SPTB: variants seen among roughly 807,000 people sequenced by gnomAD.
The protein encoded by SPTB is spectrin beta, erythrocytic.
A neutral mutation model predicts 256.2 loss-of-function variants in SPTB; 45 were observed. The observed-to-expected ratio is 0.18, with a 90% CI of 0.14 to 0.23. The LOEUF (loss-of-function observed/expected upper bound fraction) is 0.23, where lower values mean the gene tolerates loss of function less well. Ranked by LOEUF, SPTB falls within the 10% of genes least tolerant of loss-of-function variation. The pLI is 1.00. For missense variants in SPTB, 2,715 were observed against 3,040.4 expected (o/e 0.89, Z 2.52); for synonymous variants, 1,231 against 1,243.1 (o/e 0.99, Z 0.21).
Position 64,779,291 on chromosome 14 carries a change from C to T in SPTB, c.4474-45G>A. 1 of 1,526,134 alleles carries T rather than the reference C, an allele frequency of 6.6e-7. No homozygotes were observed. Among genetic ancestry groups the T allele is most frequent in the East Asian group, 2.3e-5 (1 of 43,832 alleles). The allele number at this position is 1,526,134 out of a possible 1,614,324, so 94.5% of individuals were successfully genotyped here. On this transcript the variant is annotated intron_variant, in intron 21 of 35. Transcript: ENST00000644917. The surrounding 1 kb of genome is among the most constrained non-coding windows in gnomAD (Gnocchi z 4.2). Reference sequence around the variant, plus strand: ...GGAGAGAGCTGATGACAATCACGGCCAACCTTTCCTGAGTGCTCACCATGG... The same window carrying T: ...GGAGAGAGCTGATGACAATCACGGCTAACCTTTCCTGAGTGCTCACCATGG...
At chr14:64,756,156 T>C (rs2082014755) in intron 32 of SPTB, 2 of 152,228 alleles carry the variant, frequency 1.3e-5, no homozygotes, top group Admixed American at 1.3e-4. Flanking sequence ...GGCTCATCTT[T>C]CGAGCAGCCT....
At chr14:64,794,989 G>A (rs947659849) in intron 12 of SPTB, among the ~76,000 whole-genome samples, 4 of 152,196 alleles carry the variant, frequency 2.6e-5, no homozygotes, top group African/African-American at 9.7e-5. Flanking sequence ...GGGAGGTCTG[G>A]ATTCTAACCA....
intron 8 of SPTB, among the ~76,000 whole-genome samples, chr14:64,800,519 T>A (rs2082863520): frequency 6.6e-6 from 1 of 152,150 alleles, no homozygotes; most frequent in South Asian, 2.1e-4. Context: ...GGGTCTCAGG[T>A]GGACCAGGTG....
In SPTB at chr14:64,795,436, C is replaced by T. The variant is rs1296320449; in HGVS notation, c.1545G>A (p.Glu515=). 6.2e-7 allele frequency: 1 copy of T among 1,614,122 alleles called. No homozygotes were observed. Among genetic ancestry groups the T allele is most frequent in the African/African-American group, 1.3e-5 (1 of 74,946 alleles). The part of the protein sequence containing the change: ...NILRLWSYLQ[E]LLQSRRQRLE... Reference sequence around the variant, plus strand: ...GCCTCTGGCGCCGGGACTGCAGCAGCTCCTGCAGGTAGCTCCATAGGCGCA... The same window carrying T: ...GCCTCTGGCGCCGGGACTGCAGCAGTTCCTGCAGGTAGCTCCATAGGCGCA... The change falls in exon 12 of 36, where the codon GAG becomes GAA. Residue 515 remains glutamate, a synonymous_variant. Transcript: ENST00000644917. This position sits in a 1 kb window ranked among gnomAD's most constrained non-coding sequence, Gnocchi z 6.5.
intron 14 of SPTB, 114 bp from the exon 15 acceptor site, chr14:64,791,970 T>A: frequency 7.0e-7 from 1 of 1,419,378 alleles, no homozygotes; most frequent in African/African-American, 1.4e-5. Context: ...TTCCACTGCC[T>A]AAACCATTTG....
At chr14:64,782,817 TAA>T (rs58435859) in intron 19 of SPTB, among the ~76,000 whole-genome samples, 72 of 122,924 alleles carry the variant, frequency 5.9e-4, no homozygotes, top group Admixed American at 8.2e-4. Context: ...GTTGATGAGT[TAA>T]AAAAAAAAAA....
intron 19 of SPTB, among the ~76,000 whole-genome samples, chr14:64,782,769 A>T (rs998539784): frequency 6.7e-6 from 1 of 150,250 alleles, no homozygotes; most frequent in Non-Finnish European, 1.5e-5. Flanking sequence ...TGGAAGAAGA[A>T]TTGTCTTGAG....
At chr14:64,814,773 T>A (rs2083158063) in intron 2 of SPTB, among the ~76,000 whole-genome samples, 1 of 152,274 alleles carries the variant, frequency 6.6e-6, no homozygotes, top group Non-Finnish European at 1.5e-5. Context: ...CCCAAAGTGC[T>A]GGGATTACAG....
chr14:64,749,260 C>G lies in SPTB; in HGVS notation c.*46G>C, dbSNP rs761418574. The G allele has an allele frequency of 1.3e-6, 2 of 1,539,574 alleles. No individual in the cohort carries two copies. The highest frequency in any genetic ancestry group is 1.4e-5 in the African/African-American group (1 of 73,102). On this transcript the variant is annotated 3_prime_UTR_variant, in exon 36 of 36. Transcript: ENST00000644917. The surrounding 1 kb of genome is among the most constrained non-coding windows in gnomAD (Gnocchi z 4.7). The stretch of plus-strand genomic sequence containing the variant: ...AGAGGAGGCCAAGGCCTGGGCTGCC[C>G]GGTCTCTGCGCGTCCCGACTCCGCC...
rs1555371793 is a variant in SPTB, at chr14:64,801,847, GA to G, written c.567-14del. ...AACATGAGGGTAGCTGCATCCAAGA[GA>G]AACAGTAAGAGCTAAGAATTAGATT... On this transcript the variant is annotated splice_polypyrimidine_tract_variant and intron_variant, in intron 5 of 35. Coordinates refer to ENST00000644917, the MANE Select transcript of SPTB (RefSeq NM_001355436.2). 2.5e-6 allele frequency: 4 copies of G among 1,611,844 alleles called. No homozygotes were observed. The African/African-American group carries it at 4.0e-5, about 16-fold the overall frequency.
rs1169693519 is a variant in SPTB, at chr14:64,775,527, G to A, written c.4564-124C>T. On this transcript the variant is annotated intron_variant, in intron 22 of 35. Coordinates refer to ENST00000644917, the MANE Select transcript of SPTB (RefSeq NM_001355436.2). The surrounding 1 kb of genome is among the most constrained non-coding windows in gnomAD (Gnocchi z 5.0). ...CACCCCCGTTGCTAGAGCAGAGCAG[G>A]TGATGGCGATAAGAACTACCAATGA... 32 of 1,293,168 alleles carry A rather than the reference G, an allele frequency of 2.5e-5. No individual in the cohort carries two copies. The East Asian group carries it at 7.7e-4, about 31-fold the overall frequency. The allele number at this position is 1,293,168 out of a possible 1,614,324, so 80.1% of individuals were successfully genotyped here.
intron 1 of SPTB, among the ~76,000 whole-genome samples, chr14:64,868,583 G>A (rs927373052): frequency 1.3e-5 from 2 of 152,156 alleles, no homozygotes; most frequent in African/African-American, 4.8e-5. Flanking sequence ...ATCCCAACAA[G>A]TAAAAGCTGG....
chr14:64,816,536 T>C lies in SPTB; in HGVS notation c.148+6411A>G, dbSNP rs1252615220. Among the ~76,000 whole-genome samples, 1 of 152,112 alleles carries C rather than the reference T, an allele frequency of 6.6e-6. No homozygotes were observed. Among genetic ancestry groups the C allele is most frequent in the Non-Finnish European group, 1.5e-5 (1 of 68,028 alleles). On this transcript the variant is annotated intron_variant, in intron 2 of 35. Transcript: ENST00000644917. The surrounding 1 kb of genome is among the most constrained non-coding windows in gnomAD (Gnocchi z 4.2). ...AAACTTTATAGTTCCCAGCAAATCT[T>C]CATAGCAAATTTGTCATAATTTGCT...
intron 15 of SPTB, among the ~76,000 whole-genome samples, chr14:64,788,637 T>A (rs1417482127): frequency 6.6e-6 from 1 of 152,142 alleles, no homozygotes; most frequent in East Asian, 1.9e-4. Context: ...TCTGGCTGTG[T>A]CCCCAGGCAA....
At chr14:64,754,295 A>C in intron 32 of SPTB, 1 of 225,020 alleles carries the variant, frequency 4.4e-6, no homozygotes, top group Non-Finnish European at 9.0e-6. Flanking sequence ...TAAAGCCCTA[A>C]AACTAAGGGT....
At chr14:64,801,486 A>G in intron 6 of SPTB, 86 bp from the exon 7 acceptor site, 1 of 1,020,896 alleles carries the variant, frequency 9.8e-7, no homozygotes, top group Middle Eastern at 2.0e-4. Context: ...GACATTGTAC[A>G]GAGGCAGGGA....
chr14:64,854,626 C>A (rs1209253002), intron 1 of SPTB, among the ~76,000 whole-genome samples: 1 of 152,008 alleles, frequency 6.6e-6, no homozygotes, highest in Non-Finnish European at 1.5e-5. Flanking sequence ...ACTAGATGGT[C>A]CAAATCTGGA....
In SPTB at chr14:64,758,304, G is replaced by C. The variant is rs2082044663; in HGVS notation, c.6346-4511C>G. On this transcript the variant is annotated intron_variant, in intron 32 of 35. Coordinates refer to ENST00000644917, the MANE Select transcript of SPTB (RefSeq NM_001355436.2). The surrounding 1 kb of genome is among the most constrained non-coding windows in gnomAD (Gnocchi z 4.6). ...GGAATCTCAGCCACTGGCAGGCAAG[G>C]CCTCAGCCCCTCCTTTCTCGGCCAG... Among the ~76,000 whole-genome samples, 1 of 152,322 alleles carries C rather than the reference G, an allele frequency of 6.6e-6. No individual in the cohort carries two copies. The highest frequency in any genetic ancestry group is 2.4e-5 in the African/African-American group (1 of 41,558).
intron 4 of SPTB, among the ~76,000 whole-genome samples, chr14:64,803,162 T>C (rs1040503629): frequency 6.6e-6 from 1 of 152,180 alleles, no homozygotes; most frequent in Non-Finnish European, 1.5e-5. Context: ...CCCCTTCCCC[T>C]TTCTAAATTT....
Sources: allele counts gnomAD v4.1 joint callset (sites outside exome capture counted in the v4.1 genomes callset), GRCh38; gene constraint gnomAD v4.1.1; non-coding constraint Gnocchi (gnomAD v3.1); transcripts MANE v1.5; gene names NCBI Gene and HGNC (gene_info 2026-07-23, HGNC 2026-07-21).